Variants in CYFIP2 observed in about 807,000 individuals in gnomAD.
CYFIP2 encodes cytoplasmic FMR1-interacting protein 2.
CYFIP2 carries 29 observed loss-of-function variants against 158.7 expected under a neutral mutation model. The observed-to-expected ratio is 0.18, with a 90% CI of 0.14 to 0.25. The LOEUF is 0.25. CYFIP2 is among the 10% of genes least tolerant of loss of function. The pLI is 1.00. For missense variants in CYFIP2, 852 were observed against 1,639.5 expected, an observed-to-expected ratio of 0.52 and a Z score of 8.29; for synonymous variants, 585 against 617.6, an observed-to-expected ratio of 0.95 and a Z score of 0.78.
intron 26 of CYFIP2, among the ~76,000 whole-genome samples, chr5:157,368,493 C>G (rs1489168713): frequency 6.6e-6 from 1 of 152,096 alleles, no homozygotes; most frequent in Non-Finnish European, 1.5e-5. Context: ...GCCCAGGCAC[C>G]CACAAGTAAT....
chr5:157,289,776 C>G (rs1316431248), intron 3 of CYFIP2, among the ~76,000 whole-genome samples: 1 of 152,156 alleles, frequency 6.6e-6, no homozygotes, highest in Non-Finnish European at 1.5e-5. Context: ...GGGGGGCACA[C>G]AATTCAGCCC....
At chr5:157,392,537 A>G (rs1021374725) in intron 30 of CYFIP2, among the ~76,000 whole-genome samples, 2 of 152,162 alleles carry the variant, frequency 1.3e-5, no homozygotes, top group Non-Finnish European at 2.9e-5. Flanking sequence ...CATATGTGTA[A>G]TAGTGTATTT....
At position 157,285,300 on chromosome 5, in the gene CYFIP2, C is replaced by T. The variant is rs568084859; in HGVS notation, c.-23-39C>T. 75 of 1,387,818 alleles carry T rather than the reference C, an allele frequency of 5.4e-5. No homozygotes were observed. In the African/African-American group the frequency reaches 9.9e-4, roughly 18 times the overall value. The allele number at this position is 1,387,818 out of a possible 1,614,324, so 86.0% of individuals were successfully genotyped here. ...GCGGTTAAGAGGAATTTTAGAGGCC[C>T]CTGAAATTCTCCACTGACCTTCTCT... is the stretch of plus-strand genomic sequence containing the variant. On this transcript the variant is annotated intron_variant, in intron 1 of 30. Coordinates refer to ENST00000620254, the MANE Select transcript of CYFIP2 (RefSeq NM_001037333.3).
intron 26 of CYFIP2, chr5:157,379,908 C>A (rs1283897379): frequency 6.6e-6 from 1 of 152,078 alleles, no homozygotes; most frequent in Non-Finnish European, 1.5e-5. Context: ...TTCATTATTA[C>A]TCAAATCAGT....
intron 29 of CYFIP2, 176 bp downstream of exon 29, chr5:157,389,603 T>G (rs1767063425): frequency 1.6e-6 from 1 of 606,506 alleles, no homozygotes; most frequent in Non-Finnish European, 2.9e-6. Context: ...CAGTAAGGGT[T>G]TGATAGTAAG....
chr5:157,336,535 C>T (rs184233422), intron 21 of CYFIP2, among the ~76,000 whole-genome samples: 6 of 152,306 alleles, frequency 3.9e-5, no homozygotes, highest in South Asian at 2.1e-4. Flanking sequence ...GTGTGACCTA[C>T]GAGGCCTCAC....
At chr5:157,348,537 G>A (rs552491080) in intron 23 of CYFIP2, among the ~76,000 whole-genome samples, 8 of 152,164 alleles carry the variant, frequency 5.3e-5, no homozygotes, top group African/African-American at 1.4e-4. Flanking sequence ...TCAGCCTCCC[G>A]AGTACCTGGG....
At chr5:157,322,951 T>G in intron 15 of CYFIP2, 1 of 1,536,012 alleles carries the variant, frequency 6.5e-7, no homozygotes, top group Non-Finnish European at 8.7e-7. Flanking sequence ...GGCCTGCCAG[T>G]GGTCCCCGAG....
At chr5:157,341,290 C>T in intron 23 of CYFIP2, 133 bp downstream of exon 23, 1 of 779,290 alleles carries the variant, frequency 1.3e-6, no homozygotes, top group South Asian at 1.7e-5. Context: ...GTGGCTCATA[C>T]CTTTAATCCC....
At chr5:157,360,138 C>T (rs970866890) in intron 24 of CYFIP2, 144 bp from the exon 25 acceptor site, 9 of 581,218 alleles carry the variant, frequency 1.5e-5, no homozygotes, top group Non-Finnish European at 2.6e-5. Context: ...CTTATAAAGG[C>T]TTATTTTCCC....
chr5:157,320,472 A>G (rs1760503913), intron 14 of CYFIP2, among the ~76,000 whole-genome samples, 183 bp from the exon 15 acceptor site: 3 of 152,214 alleles, frequency 2.0e-5, no homozygotes, highest in African/African-American at 7.2e-5. Flanking sequence ...AGATTCCTGG[A>G]CTGTACCTTA....
At chr5:157,333,476 G>A (rs778401869) in intron 21 of CYFIP2, 30 bp downstream of exon 21, 16 of 1,613,796 alleles carry the variant, frequency 9.9e-6, no homozygotes, top group Non-Finnish European at 1.4e-5. Context: ...TGGGATTTCT[G>A]CTCTGTGATT....
intron 23 of CYFIP2, chr5:157,342,625 G>C: frequency 4.4e-6 from 2 of 454,980 alleles, no homozygotes; most frequent in East Asian, 6.3e-5. Flanking sequence ...ATTCTTAACT[G>C]TGTCCTCCGA....
intron 6 of CYFIP2, 42 bp from the exon 7 acceptor site, chr5:157,302,752 C>T (rs1233181534): frequency 2.0e-6 from 3 of 1,521,066 alleles, no homozygotes; most frequent in Non-Finnish European, 2.7e-6. Context: ...GGCCGTTGCA[C>T]TTGGACAGTC....
chr5:157,339,229 A>T lies in CYFIP2; in HGVS notation c.2558A>T (p.Asn853Ile). ...GAACTGAACTTTGACTTTCTCCCCA[A>T]CTACTGCTACAATGGGTCCACTAAC... ...FWELNFDFLPNYCYNGSTNRF... is the reference protein window; with the variant it reads ...FWELNFDFLPIYCYNGSTNRF... Residue 853 changes from asparagine (N) to isoleucine (I), a missense_variant, in exon 22 of 31, where the codon AAC becomes ATC. Asn to Ile is a moderately radical substitution (Grantham distance 149). This residue lies in a region of CYFIP2 where 191 missense variants were observed against 311.2 expected (regional missense o/e 0.61). Coordinates refer to ENST00000620254, the MANE Select transcript of CYFIP2 (RefSeq NM_001037333.3). 1 of 1,613,132 alleles carries T rather than the reference A, an allele frequency of 6.2e-7. No homozygotes were observed. Among genetic ancestry groups the T allele is most frequent in the Non-Finnish European group, 8.5e-7 (1 of 1,179,532 alleles).
At position 157,361,723 on chromosome 5, in the gene CYFIP2, GTTCAT is replaced by G. The variant is rs1763842005; in HGVS notation, c.3039+129_3039+133del. The G allele has an allele frequency of 2.5e-6, 3 of 1,217,408 alleles. No individual in the cohort carries two copies. The highest frequency in any genetic ancestry group is 4.7e-5 in the Admixed American group (2 of 42,580). The allele number at this position is 1,217,408 out of a possible 1,614,324, so 75.4% of individuals were successfully genotyped here. A position where few individuals can be genotyped will look rare whatever the true frequency, so the allele number is the denominator to read the frequency against. ...AGTACAAGCTCACATGCTCTTTTCA[GTTCAT>G]TTCCAGACAGACATGGATTCTAGTC... On this transcript the variant is annotated intron_variant, in intron 26 of 30. Transcript: ENST00000620254. This position sits in a 1 kb window ranked among gnomAD's most constrained non-coding sequence, Gnocchi z 4.4.
intron 23 of CYFIP2, among the ~76,000 whole-genome samples, chr5:157,348,557 G>A (rs1454773628): frequency 6.6e-6 from 1 of 152,268 alleles, no homozygotes; most frequent in East Asian, 1.9e-4. Context: ...GACTACAGGT[G>A]TGCACCACCA....
At position 157,320,671 on chromosome 5, in the gene CYFIP2, C is replaced by A; in HGVS notation, c.1540C>A (p.Arg514=). The change falls in exon 15 of 31, where the codon CGA becomes AGA. Residue 514 remains arginine (R), a synonymous_variant. Coordinates refer to ENST00000620254, the MANE Select transcript of CYFIP2 (RefSeq NM_001037333.3). The stretch of plus-strand genomic sequence containing the variant: ...CTTCCCCAGCGTCCTACAGGCAATT[C>A]GAAAGACCATCTGTGACTGGGAGGG... ...NVLISVLQAI[R]KTICDWEGGR... is the part of the protein sequence containing the mutation. 6.2e-7 allele frequency: 1 copy of A among 1,613,952 alleles called. No homozygotes were observed. Among genetic ancestry groups the A allele is most frequent in the Non-Finnish European group, 8.5e-7 (1 of 1,179,860 alleles).
chr5:157,383,149 C>G lies in CYFIP2; in HGVS notation c.3113-116C>G. On this transcript the variant is annotated intron_variant, in intron 27 of 30. Coordinates refer to ENST00000620254, the MANE Select transcript of CYFIP2 (RefSeq NM_001037333.3). ...CAGAACGAAGGAGAGCAGTTCCACA[C>G]ACTCCATCCCATTTTTGGAATGCAG... 3 of 845,006 alleles carry G rather than the reference C, an allele frequency of 3.6e-6. 1 individual carries two copies. Among genetic ancestry groups the G allele is most frequent in the African/African-American group, 1.7e-5 (1 of 59,718 alleles). 52.3% of individuals were successfully genotyped at this position (845,006 alleles called of 1,614,324 possible).
Sources: gnomAD v4.1 joint callset for allele counts (sites outside exome capture counted in the v4.1 genomes callset) on GRCh38, gnomAD v4.1.1 for gene constraint, gnomAD v4.1.1 regional missense constraint, Gnocchi (gnomAD v3.1) non-coding constraint, MANE v1.5 for transcripts, NCBI Gene and HGNC (gene_info 2026-07-23, HGNC 2026-07-21) for gene names.